DAB1: variants seen among roughly 807,000 people sequenced by gnomAD.
DAB1 encodes the protein disabled homolog 1.
In DAB1, 15 loss-of-function variants were observed where a neutral mutation model predicts 64.6. The ratio of observed to expected loss-of-function variants is 0.23; its 90% CI spans 0.16 to 0.36. The LOEUF (loss-of-function observed/expected upper bound fraction) is 0.36, where lower values mean the gene tolerates loss of function less well. Ranked by LOEUF, DAB1 falls within the 10% of genes least tolerant of loss-of-function variation. The probability of loss-of-function intolerance (pLI) is 1.00; values close to 1 mark genes in which losing one functional copy is unlikely to be tolerated. For synonymous variants in DAB1, 235 were observed against 251.9 expected (o/e 0.93, Z 0.64); for missense variants, 596 against 706.7 (o/e 0.84, Z 1.78).
intron 3 of DAB1, among the ~76,000 whole-genome samples, chr1:58,463,178 T>C (rs1169748755): frequency 2.6e-5 from 4 of 152,116 alleles, no homozygotes; most frequent in Admixed American, 1.3e-4. Flanking sequence ...CCTGCACAGA[T>C]CAATGTTGCT....
rs17117608 is a variant in DAB1, at chr1:58,513,486, C to T, written n.108-7277G>A. ...AACTTATTAAGCAACTGTAAGTACACGAAGAAAGAATTAGACTCTAGGTAA... is the reference window on the plus strand; with the variant it reads ...AACTTATTAAGCAACTGTAAGTACATGAAGAAAGAATTAGACTCTAGGTAA... On this transcript the variant is annotated intron_variant and non_coding_transcript_variant, in intron 2 of 20. Transcript: ENST00000485760. 7.8e-3 allele frequency among the ~76,000 whole-genome samples: 1,188 copies of T among 152,226 alleles called. 21 individuals are homozygous for T. Among genetic ancestry groups the T allele is most frequent in the African/African-American group, 0.027 (1,133 of 41,508 alleles).
intron 7 of DAB1, among the ~76,000 whole-genome samples, chr1:57,601,152 G>C (rs1570663431): frequency 6.6e-6 from 1 of 152,226 alleles, no homozygotes; most frequent in East Asian, 1.9e-4. Context: ...GAGGCTATCA[G>C]TTCATCCACC....
At chr1:57,116,564 A>T (rs1265552299) in intron 4 of DAB1, among the ~76,000 whole-genome samples, 1 of 151,928 alleles carries the variant, frequency 6.6e-6, no homozygotes, top group Non-Finnish European at 1.5e-5. Context: ...CATAAGATAC[A>T]CTGTCCTCAT....
At chr1:57,311,907 A>G (rs1225112477) in intron 1 of DAB1, among the ~76,000 whole-genome samples, 1 of 152,206 alleles carries the variant, frequency 6.6e-6, no homozygotes, top group Non-Finnish European at 1.5e-5. Context: ...TCAGTCTTCT[A>G]CTTAATCCCT....
intron 4 of DAB1, among the ~76,000 whole-genome samples, chr1:57,098,977 A>G (rs1654420885): frequency 6.6e-6 from 1 of 152,220 alleles, no homozygotes; most frequent in Non-Finnish European, 1.5e-5. Context: ...GCTTACCCGC[A>G]TGGACTGGGA....
At chr1:58,016,486 T>C (rs965100827) in intron 5 of DAB1, among the ~76,000 whole-genome samples, 11 of 152,198 alleles carry the variant, frequency 7.2e-5, no homozygotes, top group African/African-American at 2.7e-4. Context: ...GAACCCCAGA[T>C]ACATATATTT....
At chr1:58,088,473 A>G (rs1471053243) in intron 5 of DAB1, among the ~76,000 whole-genome samples, 2 of 152,192 alleles carry the variant, frequency 1.3e-5, no homozygotes, top group Non-Finnish European at 2.9e-5. Context: ...AGCACTATTC[A>G]TATCTTCTTT....
intron 7 of DAB1, among the ~76,000 whole-genome samples, chr1:57,604,571 C>G (rs1046079731): frequency 6.6e-6 from 1 of 152,170 alleles, no homozygotes; most frequent in African/African-American, 2.4e-5. Context: ...TTATAAACTA[C>G]GGACCCACAG....
intron 2 of DAB1, among the ~76,000 whole-genome samples, chr1:57,148,917 G>A (rs988397840): frequency 1.3e-5 from 2 of 152,106 alleles, no homozygotes; most frequent in East Asian, 3.9e-4. Flanking sequence ...TATAGTCACA[G>A]AATTGTATAA....
intron 3 of DAB1, among the ~76,000 whole-genome samples, chr1:58,428,331 C>T (rs1323687008): frequency 3.9e-5 from 6 of 152,144 alleles, no homozygotes; most frequent in African/African-American, 1.4e-4. Flanking sequence ...CACTAATTTA[C>T]AGGAAATACA....
intron 5 of DAB1, among the ~76,000 whole-genome samples, chr1:57,900,687 G>A (rs780472836): frequency 4.6e-5 from 7 of 152,174 alleles, no homozygotes; most frequent in Non-Finnish European, 8.8e-5. Flanking sequence ...ACCCCACTAT[G>A]TAGGGGAGCT....
intron 6 of DAB1, among the ~76,000 whole-genome samples, chr1:57,787,386 T>C (rs1650385504): frequency 6.6e-6 from 1 of 151,950 alleles, no homozygotes; most frequent in Admixed American, 6.6e-5. Flanking sequence ...AATCAATTGA[T>C]TTTTTTTACC....
At chr1:58,536,543 G>C (rs1646520019) in intron 1 of DAB1, 2 of 872,596 alleles carry the variant, frequency 2.3e-6, no homozygotes, top group Non-Finnish European at 4.0e-6. Context: ...ATAAAAGTCT[G>C]AACTGTTCTT....
rs1179979691 is a variant in DAB1 at position 57,018,188 on chromosome 1, CTG to C, written c.896-2759_896-2758del. Among the ~76,000 whole-genome samples the C allele has an allele frequency of 2.0e-5, 3 of 152,274 alleles. No homozygotes were observed. In the East Asian group the frequency reaches 5.8e-4, roughly 29 times the overall value. The stretch of plus-strand genomic sequence containing the variant: ...CAACAACTGTGCACAGGAGAGAAGA[CTG>C]TATTTTTGGTTTGGAACACTGTCAA... On this transcript the variant is annotated intron_variant, in intron 11 of 14. Coordinates refer to ENST00000371236, the MANE Select transcript of DAB1 (RefSeq NM_001365792.1).
intron 5 of DAB1, among the ~76,000 whole-genome samples, chr1:58,020,559 G>C (rs1372301135): frequency 6.6e-6 from 1 of 152,174 alleles, no homozygotes; most frequent in Non-Finnish European, 1.5e-5. Flanking sequence ...CTTCAACTTA[G>C]ATCAGGACTT....
chr1:57,855,082 A>G (rs1557518549), intron 1 of DAB1, among the ~76,000 whole-genome samples: 1 of 152,196 alleles, frequency 6.6e-6, no homozygotes, highest in Non-Finnish European at 1.5e-5. Flanking sequence ...GAAAAGGGAC[A>G]GCAGGAGACT....
chr1:57,433,226 G>A (rs868734859), intron 7 of DAB1, among the ~76,000 whole-genome samples: 11 of 152,070 alleles, frequency 7.2e-5, no homozygotes, highest in Admixed American at 5.9e-4. Flanking sequence ...AAATATACAT[G>A]AGAATGCAAA....
chr1:57,346,729 C>T (rs371538843), intron 1 of DAB1, among the ~76,000 whole-genome samples: 73 of 152,284 alleles, frequency 4.8e-4, no homozygotes, highest in African/African-American at 1.8e-3. Context: ...AGTTCATTCA[C>T]TAAAAGCTGA....
intron 7 of DAB1, among the ~76,000 whole-genome samples, chr1:57,580,739 C>A (rs1056180143): frequency 2.6e-5 from 4 of 152,202 alleles, no homozygotes; most frequent in Non-Finnish European, 4.4e-5. Flanking sequence ...AACAATCACA[C>A]TTCAAGCATC....
Sources: allele counts gnomAD v4.1 joint callset (sites outside exome capture counted in the v4.1 genomes callset), GRCh38; gene constraint gnomAD v4.1.1; transcripts MANE v1.5; gene names NCBI Gene and HGNC (gene_info 2026-07-23, HGNC 2026-07-21).